The following NCKAP5 variants were observed in gnomAD, a reference collection of about 807,000 sequenced individuals.
NCKAP5 encodes nck-associated protein 5.
NCKAP5 carries 92 observed loss-of-function variants against 167.0 expected under a neutral mutation model. The ratio of observed to expected loss-of-function variants is 0.55; its 90% CI spans 0.47 to 0.66. The LOEUF (loss-of-function observed/expected upper bound fraction) is 0.66, where lower values mean the gene tolerates loss of function less well. NCKAP5 is among the 30% of genes least tolerant of loss of function. The pLI, the probability that NCKAP5 is intolerant of heterozygous loss-of-function variation, is 0.00. For missense variants in NCKAP5, 2,378 were observed against 2,315.0 expected, an observed-to-expected ratio of 1.03 and a Z score of -0.56; for synonymous variants, 891 against 877.4, an observed-to-expected ratio of 1.02 and a Z score of -0.27.
At chr2:132,917,227 T>C (rs1361851450) in intron 8 of NCKAP5, among the ~76,000 whole-genome samples, 1 of 152,230 alleles carries the variant, frequency 6.6e-6, no homozygotes, top group Non-Finnish European at 1.5e-5. Flanking sequence ...CAAGCCACTC[T>C]TGAGTTTGGC....
At chr2:133,520,941 G>A (rs574637912) in intron 2 of NCKAP5, among the ~76,000 whole-genome samples, 10 of 152,106 alleles carry the variant, frequency 6.6e-5, no homozygotes, top group Non-Finnish European at 1.2e-4. Context: ...TACATGTACT[G>A]GCCCCACTCC....
intron 3 of NCKAP5, among the ~76,000 whole-genome samples, chr2:133,361,388 T>C (rs543272994): frequency 1.3e-5 from 2 of 152,314 alleles, no homozygotes; most frequent in South Asian, 4.2e-4. Flanking sequence ...TCCTCAGGGA[T>C]TTCCTCAAGA....
At chr2:133,664,050 ATGTTG>A in the NCKAP5 span, among the ~76,000 whole-genome samples, 1 of 152,210 alleles carries the variant, frequency 6.6e-6, no homozygotes, top group African/African-American at 2.4e-5. Flanking sequence ...TACTGAATGG[ATGTTG>A]TGTTAACAGA....
At chr2:133,202,799 T>A (rs2085760499) in intron 5 of NCKAP5, among the ~76,000 whole-genome samples, 1 of 152,192 alleles carries the variant, frequency 6.6e-6, no homozygotes, top group Non-Finnish European at 1.5e-5. Flanking sequence ...ATGCTCATCA[T>A]CACTGGCCAT....
At chr2:132,818,437 A>C (rs1686452948) in intron 11 of NCKAP5, among the ~76,000 whole-genome samples, 1 of 152,188 alleles carries the variant, frequency 6.6e-6, no homozygotes, top group Non-Finnish European at 1.5e-5. Context: ...GCACTTTGGG[A>C]GGCCAAGGCA....
intron 7 of NCKAP5, among the ~76,000 whole-genome samples, chr2:132,965,015 T>C (rs2076619329): frequency 6.6e-6 from 1 of 152,242 alleles, no homozygotes; most frequent in Admixed American, 6.5e-5. Context: ...TGTATATGTA[T>C]ACATTTATAC....
At chr2:132,816,564 C>A (rs1686290907) in intron 11 of NCKAP5, among the ~76,000 whole-genome samples, 1 of 152,110 alleles carries the variant, frequency 6.6e-6, no homozygotes, top group Non-Finnish European at 1.5e-5. Flanking sequence ...AACACTGGCT[C>A]CCTCACAAGA....
chr2:132,934,199 C>T lies in NCKAP5; in HGVS notation c.579+29521G>A, dbSNP rs150390767. 3.3e-4 allele frequency among the ~76,000 whole-genome samples: 50 copies of T among 152,268 alleles called. 1 individual carries two copies. The East Asian group carries it at 9.3e-3, about 28-fold the overall frequency. On this transcript the variant is annotated intron_variant, in intron 8 of 19. Transcript: ENST00000409261. ...TCTACATAATAAGAGAAAATAGATA[C>T]GTGTGCAGCCAATTATTAGATACCT...
intron 16 of NCKAP5, among the ~76,000 whole-genome samples, chr2:132,753,795 T>C (rs1315537355): frequency 6.6e-6 from 1 of 152,170 alleles, no homozygotes; most frequent in Non-Finnish European, 1.5e-5. Context: ...TCCTTGATAT[T>C]TGGGTGGCAT....
chr2:132,858,588 C>T (rs1689646888), intron 11 of NCKAP5, among the ~76,000 whole-genome samples: 1 of 152,102 alleles, frequency 6.6e-6, no homozygotes. Flanking sequence ...ATTATGAGCT[C>T]CAAGATGTTA....
chr2:132,857,654 A>G lies in NCKAP5; in HGVS notation c.807+2838T>C, dbSNP rs184443358. On this transcript the variant is annotated intron_variant, in intron 11 of 19. Transcript: ENST00000409261. ...TATCCCGCCATCTCAATTCCTTGGA[A>G]TTTAGTTCCAATGTTGATTTTAATA... Among the ~76,000 whole-genome samples the G allele has an allele frequency of 5.9e-5, 9 of 152,322 alleles. No individual in the cohort carries two copies. The East Asian group carries it at 1.5e-3, about 26-fold the overall frequency.
At chr2:133,152,243 G>A (rs1253315100) in intron 5 of NCKAP5, among the ~76,000 whole-genome samples, 1 of 152,036 alleles carries the variant, frequency 6.6e-6, no homozygotes, top group Admixed American at 6.6e-5. Context: ...AGACAATCTC[G>A]ACAAAGTTAG....
intron 11 of NCKAP5, among the ~76,000 whole-genome samples, chr2:132,835,552 T>C (rs1687829094): frequency 6.6e-6 from 1 of 152,118 alleles, no homozygotes; most frequent in Admixed American, 6.5e-5. Context: ...ATCTGAATTT[T>C]TACTTTTTTT....
At chr2:133,338,261 T>C (rs1414515928) in intron 3 of NCKAP5, among the ~76,000 whole-genome samples, 2 of 152,230 alleles carry the variant, frequency 1.3e-5, no homozygotes, top group Admixed American at 1.3e-4. Context: ...AGCAACATGC[T>C]ATTCTCTAAG....
chr2:133,069,379 T>C (rs1299471588), intron 6 of NCKAP5, among the ~76,000 whole-genome samples: 1 of 152,224 alleles, frequency 6.6e-6, no homozygotes, highest in East Asian at 1.9e-4. Flanking sequence ...ATCTTCTTTG[T>C]CTGTTCCCCA....
intron 3 of NCKAP5, among the ~76,000 whole-genome samples, chr2:133,429,643 T>A (rs1416915060): frequency 6.6e-6 from 1 of 152,060 alleles, no homozygotes; most frequent in East Asian, 1.9e-4. Flanking sequence ...ACAAGGGACA[T>A]AATTTTATTT....
the NCKAP5 span, among the ~76,000 whole-genome samples, chr2:133,591,544 T>G: frequency 3.3e-5 from 5 of 152,242 alleles, no homozygotes; most frequent in African/African-American, 1.2e-4. Context: ...CCTGGTCGTC[T>G]AAAAACAGCT....
intron 6 of NCKAP5, among the ~76,000 whole-genome samples, chr2:133,126,522 T>C (rs528804721): frequency 3.3e-5 from 5 of 152,298 alleles, no homozygotes; most frequent in Non-Finnish European, 7.4e-5. Flanking sequence ...TATTAGGAAA[T>C]TGAAAAACTG....
intron 5 of NCKAP5, among the ~76,000 whole-genome samples, chr2:133,183,784 C>T (rs937949311): frequency 3.9e-5 from 6 of 152,068 alleles, no homozygotes; most frequent in African/African-American, 9.7e-5. Flanking sequence ...AAGAAATAAA[C>T]TTTCTATTTT....
Sources: gnomAD v4.1 joint callset for allele counts (sites outside exome capture counted in the v4.1 genomes callset) on GRCh38, gnomAD v4.1.1 for gene constraint, MANE v1.5 for transcripts, NCBI Gene and HGNC (gene_info 2026-07-23, HGNC 2026-07-21) for gene names.